The following FOXN3 variants were observed in gnomAD, a reference collection of about 807,000 sequenced individuals.
The protein encoded by FOXN3 is forkhead box N3.
In FOXN3, 7 loss-of-function variants were observed where a neutral mutation model predicts 38.4. The observed-to-expected ratio is 0.18, with a 90% CI of 0.10 to 0.34. The LOEUF (loss-of-function observed/expected upper bound fraction) is 0.34. FOXN3 is among the 10% of genes least tolerant of loss of function. FOXN3 has a pLI of 1.00. For missense variants in FOXN3, 456 were observed against 613.4 expected (o/e 0.74, Z 2.71); for synonymous variants, 230 against 242.2 (o/e 0.95, Z 0.47).
At chr14:89,618,078 T>G (rs1351116635) in intron 1 of FOXN3, among the ~76,000 whole-genome samples, 1 of 152,164 alleles carries the variant, frequency 6.6e-6, no homozygotes, top group African/African-American at 2.4e-5. Context: ...TTTTCCTCAA[T>G]GAGCCAGTCG....
rs150557133 is a variant in FOXN3 at position 89,189,271 on chromosome 14, G to A, written c.746-8465C>T. The stretch of plus-strand genomic sequence containing the variant: ...AAAAGGCACCTGTTTTGGGTCTGAG[G>A]ATGGATGTTTTCCTGTGTGAAGTAG... On this transcript the variant is annotated intron_variant, in intron 4 of 5. Coordinates refer to ENST00000557258, the MANE Select transcript of FOXN3 (RefSeq NM_005197.4). Among the ~76,000 whole-genome samples the A allele has an allele frequency of 5.1e-4, 77 of 152,306 alleles. No homozygotes were observed. The East Asian group carries it at 0.012, about 24-fold the overall frequency.
intron 1 of FOXN3, among the ~76,000 whole-genome samples, chr14:89,485,076 T>C (rs1893417853): frequency 1.4e-5 from 2 of 147,218 alleles, no homozygotes; most frequent in African/African-American, 5.0e-5. Context: ...AGCTTGAACC[T>C]GGGAGGCGGA....
intron 1 of FOXN3, among the ~76,000 whole-genome samples, chr14:89,422,805 A>G (rs1378973477): frequency 6.6e-6 from 1 of 152,188 alleles, no homozygotes; most frequent in East Asian, 1.9e-4. Context: ...CCAGCAGGGA[A>G]TGCAGCCAGG....
intron 4 of FOXN3, among the ~76,000 whole-genome samples, chr14:89,182,907 T>C (rs974744782): frequency 3.2e-4 from 49 of 152,018 alleles, no homozygotes; most frequent in African/African-American, 1.2e-3. Flanking sequence ...AGAGATCCAT[T>C]TGGGAAAAAA....
In FOXN3 at chr14:89,172,099, A is replaced by G. The variant is rs115139629; in HGVS notation, c.851+8602T>C. 7.9e-3 allele frequency among the ~76,000 whole-genome samples: 1,209 copies of G among 152,344 alleles called. 12 individuals are homozygous for G. The highest frequency in any genetic ancestry group is 0.028 in the African/African-American group (1,152 of 41,578). The stretch of plus-strand genomic sequence containing the variant: ...TACATCATATTAATTTGTAAAATTT[A>G]TAACAGCATGAAAAAGAATCTATTC... On this transcript the variant is annotated intron_variant, in intron 5 of 5. Transcript: ENST00000557258.
At chr14:89,317,861 T>G (rs563959720) in intron 3 of FOXN3, among the ~76,000 whole-genome samples, 2 of 150,774 alleles carry the variant, frequency 1.3e-5, no homozygotes, top group African/African-American at 4.9e-5. Flanking sequence ...CAGCATTAGA[T>G]TCTCATAGGA....
intron 2 of FOXN3, among the ~76,000 whole-genome samples, chr14:89,385,535 C>T (rs1193560739): frequency 2.1e-5 from 3 of 142,436 alleles, no homozygotes; most frequent in African/African-American, 7.6e-5. Flanking sequence ...GGGCTGGGTG[C>T]CATGGTTCAC....
At chr14:89,183,813 G>A (rs534979424) in intron 4 of FOXN3, 2 of 152,266 alleles carry the variant, frequency 1.3e-5, no homozygotes, top group East Asian at 1.9e-4. Context: ...AGTGCCCTGC[G>A]CTGCAGCAGC....
At chr14:89,190,566 A>G in intron 4 of FOXN3, 1 of 727,272 alleles carries the variant, frequency 1.4e-6, no homozygotes, top group Non-Finnish European at 2.2e-6. Context: ...ATATCCAGCA[A>G]CTGGATGAGC....
chr14:89,250,000 T>C (rs73323138), intron 4 of FOXN3, among the ~76,000 whole-genome samples: 2,695 of 152,320 alleles, frequency 0.018, 59 homozygotes, highest in Admixed American at 0.071. Context: ...AGCTGAGAAG[T>C]GAGACAGGTT....
chr14:89,360,037 C>T (rs1462134633), intron 2 of FOXN3, among the ~76,000 whole-genome samples: 8 of 152,210 alleles, frequency 5.3e-5, no homozygotes, highest in Non-Finnish European at 1.0e-4. Context: ...GCATATGCCA[C>T]GGTCTCCCAG....
intron 1 of FOXN3, among the ~76,000 whole-genome samples, chr14:89,511,132 CTTTCTTTCT>C (rs1328293520): frequency 1.2e-4 from 4 of 32,926 alleles, no homozygotes; most frequent in African/African-American, 2.3e-4. Context: ...GTCTTTCTTT[CTTTCTTTCT>C]TTTCTTTCTT....
chr14:89,205,761 A>C (rs577654901), intron 4 of FOXN3, among the ~76,000 whole-genome samples: 1 of 152,312 alleles, frequency 6.6e-6, no homozygotes, highest in African/African-American at 2.4e-5. Context: ...ACACACGCCC[A>C]CCGGGGCTTC....
intron 1 of FOXN3, among the ~76,000 whole-genome samples, chr14:89,499,066 A>G (rs1409815650): frequency 6.6e-6 from 1 of 152,122 alleles, no homozygotes; most frequent in Non-Finnish European, 1.5e-5. Flanking sequence ...GAGTGTAGGA[A>G]GAGGTCACCC....
Position 89,545,916 on chromosome 14 carries a change from G to A in FOXN3, c.-15+73112C>T, listed in dbSNP as rs187071412. Among the ~76,000 whole-genome samples the A allele has an allele frequency of 1.2e-4, 19 of 152,192 alleles. No homozygotes were observed. The East Asian group carries it at 3.7e-3, about 29-fold the overall frequency. ...TCCATGGAACCTTCTCTACTCTACAGTCATTCTTTGCCTATTACTTTCCTC... is the reference window on the plus strand; with the variant it reads ...TCCATGGAACCTTCTCTACTCTACAATCATTCTTTGCCTATTACTTTCCTC... On this transcript the variant is annotated intron_variant, in intron 1 of 6. Transcript: ENST00000345097.
chr14:89,354,110 G>A (rs1167432634), intron 2 of FOXN3, among the ~76,000 whole-genome samples: 1 of 152,202 alleles, frequency 6.6e-6, no homozygotes, highest in African/African-American at 2.4e-5. Flanking sequence ...TAATAGGAGA[G>A]AGAAGGCTAT....
intron 3 of FOXN3, chr14:89,350,462 T>C (rs188501632): frequency 3.4e-4 from 137 of 402,934 alleles, no homozygotes; most frequent in African/African-American, 2.7e-3. Context: ...TGAAGCCTTC[T>C]GGAAGCACAT....
intron 3 of FOXN3, among the ~76,000 whole-genome samples, chr14:89,343,627 GT>G (rs34453491): frequency 2.1e-5 from 3 of 140,628 alleles, no homozygotes; most frequent in Admixed American, 7.1e-5. Context: ...AATGTGTGTG[GT>G]TTTTTTTTTT....
intron 4 of FOXN3, among the ~76,000 whole-genome samples, chr14:89,237,843 T>C (rs1399359357): frequency 1.2e-4 from 19 of 152,240 alleles, no homozygotes; most frequent in Admixed American, 1.2e-3. Context: ...TTGCATTATA[T>C]TATATGACAT....
Sources: allele counts gnomAD v4.1 joint callset (sites outside exome capture counted in the v4.1 genomes callset), GRCh38; gene constraint gnomAD v4.1.1; transcripts MANE v1.5; gene names NCBI Gene and HGNC (gene_info 2026-07-23, HGNC 2026-07-21).